Variants in TSNARE1 observed in about 807,000 individuals in gnomAD.
TSNARE1 encodes t-SNARE domain containing 1.
In TSNARE1, 49 loss-of-function variants were observed where a neutral mutation model predicts 62.0. The ratio of observed to expected loss-of-function variants is 0.79; its 90% CI spans 0.63 to 1.00. The LOEUF is 1.00. Among genes scored for constraint, TSNARE1 ranks in the 50% least tolerant of loss-of-function variants. The probability of loss-of-function intolerance (pLI) is 0.00; values close to 1 mark genes in which losing one functional copy is unlikely to be tolerated. For missense variants in TSNARE1, 755 were observed against 700.1 expected, an observed-to-expected ratio of 1.08 and a Z score of -0.88; for synonymous variants, 328 against 294.4, an observed-to-expected ratio of 1.11 and a Z score of -1.17.
intron 13 of TSNARE1, among the ~76,000 whole-genome samples, chr8:142,226,826 C>A (rs1284616699): frequency 6.6e-6 from 1 of 152,126 alleles, no homozygotes; most frequent in Non-Finnish European, 1.5e-5. Flanking sequence ...GCTCAAAGGC[C>A]CCTTCCCTTC....
intron 2 of TSNARE1, among the ~76,000 whole-genome samples, chr8:142,352,013 G>A (rs1034973009): frequency 1.3e-5 from 2 of 152,252 alleles, no homozygotes; most frequent in Admixed American, 6.5e-5. Context: ...TGTGATGGAA[G>A]TTACTAAAGA....
intron 11 of TSNARE1, among the ~76,000 whole-genome samples, chr8:142,282,217 C>G (rs947254063): frequency 4.6e-5 from 7 of 152,294 alleles, no homozygotes; most frequent in Non-Finnish European, 1.0e-4. Flanking sequence ...CTCCCTACAC[C>G]CCCCCAGCAC....
At chr8:142,261,447 G>A (rs1023233654) in intron 12 of TSNARE1, among the ~76,000 whole-genome samples, 4 of 151,326 alleles carry the variant, frequency 2.6e-5, no homozygotes, top group Non-Finnish European at 4.4e-5. Flanking sequence ...GGGAGGACCG[G>A]GGAGGGAGAG....
chr8:142,368,396 T>A (rs959938174), intron 1 of TSNARE1, among the ~76,000 whole-genome samples: 1 of 152,026 alleles, frequency 6.6e-6, no homozygotes, highest in Non-Finnish European at 1.5e-5. Flanking sequence ...GTTCGGAGAG[T>A]TCCCCTTCTG....
At chr8:142,300,137 T>C (rs955397602) in intron 10 of TSNARE1, 1 of 198,040 alleles carries the variant, frequency 5.0e-6, no homozygotes, top group Non-Finnish European at 1.0e-5. Flanking sequence ...ATCATCTTCA[T>C]TAGAGCTAAA....
At chr8:142,278,825 G>A (rs778210874) in intron 11 of TSNARE1, 7 of 983,972 alleles carry the variant, frequency 7.1e-6, no homozygotes, top group Non-Finnish European at 8.4e-6. Flanking sequence ...GGGGCCTGCA[G>A]AAGGAGGGGG....
rs1817460553 is a variant in TSNARE1 at position 142,236,979 on chromosome 8, G to C, written c.1447-7400C>G. ...ACTGCCAAGGTGACTTCTGAGTCCA[G>C]ACCTGAAGGCAGGAAGGGAAGAGCC... On this transcript the variant is annotated intron_variant, in intron 12 of 13. Coordinates refer to ENST00000524325, the MANE Select transcript of TSNARE1 (RefSeq NM_145003.5). Among the ~76,000 whole-genome samples the C allele has an allele frequency of 2.6e-5, 4 of 152,316 alleles. No individual in the cohort carries two copies. The South Asian group carries it at 8.3e-4, about 32-fold the overall frequency.
chr8:142,219,001 C>G (rs1479266904), intron 13 of TSNARE1, among the ~76,000 whole-genome samples: 7 of 152,192 alleles, frequency 4.6e-5, no homozygotes, highest in Non-Finnish European at 8.8e-5. Flanking sequence ...TCAGAACGAG[C>G]TTTGCAGCCT....
Position 142,330,230 on chromosome 8 carries a change from C to T in TSNARE1, c.893+671G>A, listed in dbSNP as rs143328652. The stretch of plus-strand genomic sequence containing the variant: ...GGAGGGGAAAAGTATAGACTGCTAG[C>T]GTCCCCTCAGACCCCAGAGTGCCAC... On this transcript the variant is annotated intron_variant, in intron 6 of 13. Coordinates refer to ENST00000524325, the MANE Select transcript of TSNARE1 (RefSeq NM_145003.5). 5.8e-3 allele frequency among the ~76,000 whole-genome samples: 876 copies of T among 152,290 alleles called. 11 individuals are homozygous for T. The highest frequency in any genetic ancestry group is 0.019 in the African/African-American group (798 of 41,568).
At chr8:142,294,652 A>C (rs1320179212) in intron 10 of TSNARE1, among the ~76,000 whole-genome samples, 1 of 152,224 alleles carries the variant, frequency 6.6e-6, no homozygotes, top group Non-Finnish European at 1.5e-5. Context: ...GGGGCCGGTC[A>C]GCAGGGTCCA....
At chr8:142,228,844 T>A (rs1816956450) in intron 13 of TSNARE1, among the ~76,000 whole-genome samples, 1 of 152,176 alleles carries the variant, frequency 6.6e-6, no homozygotes, top group South Asian at 2.1e-4. Flanking sequence ...GATGAATGGA[T>A]GGGTGGAAGG....
intron 12 of TSNARE1, among the ~76,000 whole-genome samples, chr8:142,259,075 C>T (rs999364668): frequency 6.6e-6 from 1 of 152,210 alleles, no homozygotes; most frequent in African/African-American, 2.4e-5. Flanking sequence ...TGGCACAGCC[C>T]ACCTTGAACC....
At chr8:142,336,108 T>C (rs1831717646) in intron 4 of TSNARE1, among the ~76,000 whole-genome samples, 1 of 151,880 alleles carries the variant, frequency 6.6e-6, no homozygotes, top group African/African-American at 2.4e-5. Context: ...CACAGTGAGA[T>C]CTCTTTCTAT....
intron 13 of TSNARE1, among the ~76,000 whole-genome samples, chr8:142,227,118 A>C (rs569648758): frequency 4.1e-4 from 60 of 145,672 alleles, no homozygotes; most frequent in Non-Finnish European, 7.8e-4. Flanking sequence ...CAATAGTGAC[A>C]GCCAGAACCC....
At chr8:142,328,750 A>G (rs947706268) in intron 6 of TSNARE1, among the ~76,000 whole-genome samples, 4 of 145,704 alleles carry the variant, frequency 2.7e-5, no homozygotes, top group African/African-American at 1.0e-4. Flanking sequence ...GCTGCCACTG[A>G]GCCCCGCCCA....
chr8:142,328,134 A>G (rs1371499595), intron 6 of TSNARE1, among the ~76,000 whole-genome samples: 2 of 151,978 alleles, frequency 1.3e-5, no homozygotes, highest in South Asian at 2.1e-4. Context: ...ACTAAAGAAT[A>G]TATCATAGGT....
At chr8:142,324,384 G>A (rs1424753945) in intron 6 of TSNARE1, among the ~76,000 whole-genome samples, 2 of 152,136 alleles carry the variant, frequency 1.3e-5, no homozygotes, top group East Asian at 1.9e-4. Context: ...CCAGCTCGGC[G>A]GCTCCTGTAC....
chr8:142,349,736 G>A (rs11997713), intron 2 of TSNARE1, among the ~76,000 whole-genome samples: 1 of 152,206 alleles, frequency 6.6e-6, no homozygotes, highest in East Asian at 1.9e-4. Flanking sequence ...CAGCGGCCCT[G>A]CCCGAGCTTC....
chr8:142,342,099 A>G lies in TSNARE1; in HGVS notation c.745+1867T>C, dbSNP rs534065961. On this transcript the variant is annotated intron_variant, in intron 4 of 13. Transcript: ENST00000524325. Reference sequence around the variant, plus strand: ...ACAGCAAAGGGGAGGCCCTGGGGCCAGCTATCCCACTGACGGCCAAAGAGG... The same window carrying G: ...ACAGCAAAGGGGAGGCCCTGGGGCCGGCTATCCCACTGACGGCCAAAGAGG... Among the ~76,000 whole-genome samples the G allele has an allele frequency of 2.0e-5, 3 of 152,354 alleles. No homozygotes were observed. The South Asian group carries it at 6.2e-4, about 32-fold the overall frequency.
Sources: allele counts gnomAD v4.1 joint callset (sites outside exome capture counted in the v4.1 genomes callset), GRCh38; gene constraint gnomAD v4.1.1; transcripts MANE v1.5; gene names NCBI Gene and HGNC (gene_info 2026-07-23, HGNC 2026-07-21).